Variants in RFC1 observed in about 807,000 individuals in gnomAD.
RFC1 encodes the protein A1 140 kDa subunit.
Under a neutral mutation model 137.4 loss-of-function variants are expected in RFC1, and 37 were observed. That is an observed-to-expected ratio of 0.27 (90% CI 0.21 to 0.35). RFC1 has a LOEUF of 0.35. Ranked by LOEUF, RFC1 falls within the 10% of genes least tolerant of loss-of-function variation. The pLI, the probability that RFC1 is intolerant of heterozygous loss-of-function variation, is 1.00. For missense variants in RFC1, 1,205 were observed against 1,358.5 expected (o/e 0.89, Z 1.78); for synonymous variants, 429 against 455.7 (o/e 0.94, Z 0.75).
intron 1 of RFC1, among the ~76,000 whole-genome samples, chr4:39,354,923 A>G (rs558182228): frequency 1.3e-5 from 2 of 151,650 alleles, no homozygotes; most frequent in African/African-American, 4.8e-5. Context: ...CTCCACTAAA[A>G]ATACAAAAAT....
intron 4 of RFC1, among the ~76,000 whole-genome samples, chr4:39,329,155 C>CAAAAAAAAAAAAAA (rs1739952751): frequency 3.1e-4 from 12 of 38,554 alleles, no homozygotes; most frequent in East Asian, 3.1e-3. Flanking sequence ...AAAAAAAAAG[C>CAAAAAAAAAAAAAA]TTTTCGATTT....
At chr4:39,320,779 G>T in intron 8 of RFC1, 110 bp from the exon 9 acceptor site, 1 of 1,027,640 alleles carries the variant, frequency 9.7e-7, no homozygotes. Context: ...TACCCTGAAG[G>T]CCCAAAGTCC....
intron 13 of RFC1, among the ~76,000 whole-genome samples, chr4:39,307,978 C>T (rs1738767327): frequency 6.6e-6 from 1 of 152,122 alleles, no homozygotes; most frequent in Non-Finnish European, 1.5e-5. Context: ...TAAGAAAATA[C>T]TTTGGACATT....
intron 7 of RFC1, chr4:39,323,069 C>T: frequency 5.2e-6 from 1 of 193,490 alleles, no homozygotes; most frequent in South Asian, 1.3e-4. Context: ...GAGACCCTGT[C>T]TCTAAAACAA....
chr4:39,346,516 G>C (rs1405306558), intron 2 of RFC1, among the ~76,000 whole-genome samples: 1 of 150,336 alleles, frequency 6.7e-6, no homozygotes, highest in Non-Finnish European at 1.5e-5. Context: ...CAATGCAAAA[G>C]GTATTATTAT....
Position 39,300,429 on chromosome 4 carries a change from G to C in RFC1, c.2536-15C>G. 6.2e-7 allele frequency: 1 copy of C among 1,609,988 alleles called. No homozygotes were observed. Among genetic ancestry groups the C allele is most frequent in the Non-Finnish European group, 8.5e-7 (1 of 1,176,858 alleles). On this transcript the variant is annotated splice_polypyrimidine_tract_variant and intron_variant, in intron 19 of 24. Coordinates refer to ENST00000349703, the MANE Select transcript of RFC1 (RefSeq NM_002913.5). Reference sequence around the variant, plus strand: ...TCAAATGGGCCCTGAAAAAAGAGAGGGACACACCTATTAGAATGGCCAAAA... The same window carrying C: ...TCAAATGGGCCCTGAAAAAAGAGAGCGACACACCTATTAGAATGGCCAAAA...
chr4:39,362,165 G>A (rs1040309102), intron 1 of RFC1, among the ~76,000 whole-genome samples: 2 of 152,108 alleles, frequency 1.3e-5, no homozygotes, highest in Admixed American at 1.3e-4. Flanking sequence ...ACAAACTGAA[G>A]ACCTAAACAA....
At chr4:39,307,004 G>C (rs890816383) in intron 13 of RFC1, among the ~76,000 whole-genome samples, 4 of 152,088 alleles carry the variant, frequency 2.6e-5, no homozygotes, top group African/African-American at 9.7e-5. Context: ...GCACGCTGCC[G>C]GGGCTCGATC....
chr4:39,329,839 A>G (rs1033634340), intron 4 of RFC1, among the ~76,000 whole-genome samples: 7 of 152,222 alleles, frequency 4.6e-5, no homozygotes, highest in Non-Finnish European at 1.0e-4. Flanking sequence ...GTTCAAGACC[A>G]GCTTGGACAA....
rs1225480179 is a variant in RFC1, at chr4:39,320,473, A to G, written c.1005T>C (p.Pro335=). Residue 335 remains proline (P), a synonymous_variant, in exon 9 of 25, where the codon CCT becomes CCC. Transcript: ENST00000349703. Reference sequence around the variant, plus strand: ...CATTTTCTTTTCTTTTTGAGGCCACAGGCTCTATTTCTTTATAAGAGCTCT... The same window carrying G: ...CATTTTCTTTTCTTTTTGAGGCCACGGGCTCTATTTCTTTATAAGAGCTCT... ...KEESSYKEIE[P]VASKRKENAI... 6.2e-7 allele frequency: 1 copy of G among 1,602,710 alleles called. No homozygotes were observed. Among genetic ancestry groups the G allele is most frequent in the Non-Finnish European group, 8.5e-7 (1 of 1,176,960 alleles).
chr4:39,309,447 G>A (rs1738856194), intron 12 of RFC1, among the ~76,000 whole-genome samples: 1 of 152,116 alleles, frequency 6.6e-6, no homozygotes, highest in African/African-American at 2.4e-5. Context: ...AACTGAAAAA[G>A]AAACAAAATA....
At position 39,354,675 on chromosome 4, in the gene RFC1, A is replaced by C. The variant is rs555885669; in HGVS notation, c.4-3199T>G. Among the ~76,000 whole-genome samples, 7 of 148,090 alleles carry C rather than the reference A, an allele frequency of 4.7e-5. No homozygotes were observed. In the South Asian group the frequency reaches 1.5e-3, roughly 32 times the overall value. ...GTGCACACCTACAGTCCCAGGTACC[A>C]GACAGGCTGAGACAAGAGGATTGCT... On this transcript the variant is annotated intron_variant, in intron 1 of 24. Coordinates refer to ENST00000349703, the MANE Select transcript of RFC1 (RefSeq NM_002913.5).
At chr4:39,352,424 T>C (rs755183647) in intron 1 of RFC1, among the ~76,000 whole-genome samples, 8 of 152,354 alleles carry the variant, frequency 5.3e-5, no homozygotes, top group South Asian at 2.1e-4. Flanking sequence ...TTAAAATCAC[T>C]CACTTTTCCT....
rs1303323953 is a variant in RFC1 at position 39,306,573 on chromosome 4, A to G, written c.1995+19T>C. 7.1e-7 allele frequency: 1 copy of G among 1,403,412 alleles called. No individual in the cohort carries two copies. Among genetic ancestry groups the G allele is most frequent in the Non-Finnish European group, 1.0e-6 (1 of 987,930 alleles). The allele number at this position is 1,403,412 out of a possible 1,614,324, so 86.9% of individuals were successfully genotyped here. A position where few individuals can be genotyped will look rare whatever the true frequency, so the allele number is the denominator to read the frequency against. On this transcript the variant is annotated intron_variant, in intron 14 of 24. Transcript: ENST00000349703. ...CACTCGAGGTTATCTGTCCGACCAC[A>G]CTGTGACAACGCACCCACCTGACAC... is the stretch of plus-strand genomic sequence containing the variant.
intron 1 of RFC1, among the ~76,000 whole-genome samples, chr4:39,364,892 AAATT>A (rs1451266820): frequency 2.6e-5 from 4 of 152,302 alleles, no homozygotes; most frequent in Non-Finnish European, 2.9e-5. Flanking sequence ...ATATAACTAT[AAATT>A]AATATATAAA....
At chr4:39,299,642 A>G (rs1230094251) in intron 21 of RFC1, among the ~76,000 whole-genome samples, 2 of 151,726 alleles carry the variant, frequency 1.3e-5, no homozygotes, top group Non-Finnish European at 2.9e-5. Flanking sequence ...AAGAAAGAAA[A>G]AAGAAAAATA....
At chr4:39,360,540 A>G (rs1741703892) in intron 1 of RFC1, among the ~76,000 whole-genome samples, 1 of 150,320 alleles carries the variant, frequency 6.7e-6, no homozygotes, top group Non-Finnish European at 1.5e-5. Flanking sequence ...AAAATAAAAT[A>G]AAATAAAATA....
At chr4:39,299,610 CAAAA>C (rs970461214) in intron 21 of RFC1, among the ~76,000 whole-genome samples, 1 of 40,466 alleles carries the variant, frequency 2.5e-5, no homozygotes, top group Non-Finnish European at 5.2e-5. Context: ...AACACTGTCT[CAAAA>C]AAAAAAAAAA....
chr4:39,320,687 AT>A lies in RFC1; in HGVS notation c.809-19del. 1 of 1,551,008 alleles carries A rather than the reference AT, an allele frequency of 6.4e-7. No individual in the cohort carries two copies. The highest frequency in any genetic ancestry group is 8.6e-7 in the Non-Finnish European group (1 of 1,157,234). On this transcript the variant is annotated intron_variant, in intron 8 of 24. Coordinates refer to ENST00000349703, the MANE Select transcript of RFC1 (RefSeq NM_002913.5). ...TGTTTTTACTAGGAAGAAAGAAAAG[AT>A]TATGGTTGTTGTTTTTGGAAAATGA...
Sources: gnomAD v4.1 joint callset for allele counts (sites outside exome capture counted in the v4.1 genomes callset) on GRCh38, gnomAD v4.1.1 for gene constraint, MANE v1.5 for transcripts, NCBI Gene and HGNC (gene_info 2026-07-23, HGNC 2026-07-21) for gene names.